Variants in HACD3 observed in about 807,000 individuals in gnomAD.
HACD3 encodes very-long-chain (3R)-3-hydroxyacyl-CoA dehydratase 3.
A neutral mutation model predicts 55.2 loss-of-function variants in HACD3; 30 were observed. That is an observed-to-expected ratio of 0.54 (90% CI 0.41 to 0.74). HACD3 has a LOEUF of 0.74. Among genes scored for constraint, HACD3 ranks in the 30% least tolerant of loss-of-function variants. The probability of loss-of-function intolerance (pLI) is 0.00; values close to 1 mark genes in which losing one functional copy is unlikely to be tolerated. For synonymous variants in HACD3, 141 were observed against 151.7 expected, an observed-to-expected ratio of 0.93 and a Z score of 0.52; for missense variants, 363 against 440.1, an observed-to-expected ratio of 0.82 and a Z score of 1.57.
intron 1 of HACD3, among the ~76,000 whole-genome samples, chr15:65,532,592 A>C (rs2071912785): frequency 6.6e-6 from 1 of 150,944 alleles, no homozygotes; most frequent in African/African-American, 2.4e-5. Flanking sequence ...AGATGGTGCC[A>C]TTGCACTCCA....
At chr15:65,545,489 C>T (rs534811620) in intron 1 of HACD3, among the ~76,000 whole-genome samples, 2 of 149,850 alleles carry the variant, frequency 1.3e-5, no homozygotes, top group Non-Finnish European at 3.0e-5. Flanking sequence ...GAGTCTCGCT[C>T]TGTCGCCCAG....
chr15:65,565,515 C>G (rs1220013948), intron 7 of HACD3: 1 of 152,322 alleles, frequency 6.6e-6, no homozygotes, highest in African/African-American at 2.4e-5. Context: ...CACCCACAGG[C>G]TCACCACCAC....
chr15:65,537,773 A>G (rs1049196665), intron 1 of HACD3, among the ~76,000 whole-genome samples: 1 of 103,496 alleles, frequency 9.7e-6, no homozygotes, highest in African/African-American at 3.8e-5. Flanking sequence ...AGCCTGGGCA[A>G]TAGAGAGAGA....
chr15:65,560,801 C>CAA (rs11304800), intron 5 of HACD3, among the ~76,000 whole-genome samples: 28 of 108,782 alleles, frequency 2.6e-4, no homozygotes, highest in African/African-American at 3.5e-4. Context: ...GACCCTATCT[C>CAA]AAAAAAAAAA....
chr15:65,562,946 A>C (rs184124173), intron 6 of HACD3, 62 bp downstream of exon 6: 1 of 1,588,852 alleles, frequency 6.3e-7, no homozygotes, highest in East Asian at 2.3e-5. Flanking sequence ...GTATTCACCA[A>C]AGGGAGCACT....
chr15:65,568,151 A>C (rs1243483816), intron 7 of HACD3, among the ~76,000 whole-genome samples: 1 of 151,394 alleles, frequency 6.6e-6, no homozygotes, highest in Non-Finnish European at 1.5e-5. Flanking sequence ...CGAACTCCTG[A>C]CCCCAGGTGA....
chr15:65,556,985 G>A (rs191530799), intron 4 of HACD3, 82 bp downstream of exon 4: 26 of 1,311,486 alleles, frequency 2.0e-5, no homozygotes, highest in Middle Eastern at 2.0e-4. Context: ...GATACCTCTC[G>A]GTCTGAAAGA....
At position 65,556,798 on chromosome 15, in the gene HACD3, G is replaced by A. The variant is rs2072195951; in HGVS notation, c.264G>A (p.Gln88=). Residue 88 remains glutamine (Q), a synonymous_variant, in exon 4 of 11, where the codon CAG becomes CAA. Transcript: ENST00000261875. ...VNITVQKKVS[Q]WWERLTKQEK... Reference sequence around the variant, plus strand: ...TTACAGTACAGAAGAAAGTGAGTCAGTGGTGGGAGAGACTCACAAAGCAGG... The same window carrying A: ...TTACAGTACAGAAGAAAGTGAGTCAATGGTGGGAGAGACTCACAAAGCAGG... The A allele has an allele frequency of 6.2e-7, 1 of 1,612,272 alleles. No homozygotes were observed. The highest frequency in any genetic ancestry group is 8.5e-7 in the Non-Finnish European group (1 of 1,179,112).
At chr15:65,536,357 C>T (rs1386846444) in intron 1 of HACD3, among the ~76,000 whole-genome samples, 1 of 152,120 alleles carries the variant, frequency 6.6e-6, no homozygotes, top group East Asian at 1.9e-4. Context: ...TGAACTTAAT[C>T]GATAAATGTA....
rs1212300528 is a variant in HACD3 at position 65,556,772 on chromosome 15, A to G, written c.238A>G (p.Ile80Val). 6.2e-7 allele frequency: 1 copy of G among 1,611,340 alleles called. No individual in the cohort carries two copies. The highest frequency in any genetic ancestry group is 2.2e-5 in the East Asian group (1 of 44,848). The change falls in exon 4 of 11, where the codon ATT becomes GTT. Residue 80 changes from isoleucine to valine, a missense_variant. By Grantham distance (29) the Ile-to-Val change is conservative (BLOSUM62 3). Transcript: ENST00000261875. ...VYKLTQRQVN[I>V]TVQKKVSQWW... ...CAAACTGACCCAGAGGCAGGTAAAC[A>G]TTACAGTACAGAAGAAAGTGAGTCA... is the stretch of plus-strand genomic sequence containing the variant.
chr15:65,570,327 G>T, intron 8 of HACD3, 124 bp downstream of exon 8: 1 of 697,092 alleles, frequency 1.4e-6, no homozygotes. Context: ...CATATGTGGA[G>T]AATTCTGGTT....
Position 65,558,750 on chromosome 15 carries a change from A to G in HACD3, c.421+19A>G, listed in dbSNP as rs2072218127. On this transcript the variant is annotated intron_variant, in intron 5 of 10. Transcript: ENST00000261875. ...CCTGAAAGTAAGTTGTGCTGCTGCCATGGTAGTTACCAGTTAACTTGTGCT... is the reference window on the plus strand; with the variant it reads ...CCTGAAAGTAAGTTGTGCTGCTGCCGTGGTAGTTACCAGTTAACTTGTGCT... 2 of 1,593,280 alleles carry G rather than the reference A, an allele frequency of 1.3e-6. No individual in the cohort carries two copies. The highest frequency in any genetic ancestry group is 8.6e-7 in the Non-Finnish European group (1 of 1,168,890).
At chr15:65,564,077 G>A in intron 6 of HACD3, 138 bp from the exon 7 acceptor site, 1 of 1,104,016 alleles carries the variant, frequency 9.1e-7, no homozygotes. Flanking sequence ...GCTTAGTTAA[G>A]TAAGAAACTT....
chr15:65,560,801 CAAA>C (rs11304800), intron 5 of HACD3, among the ~76,000 whole-genome samples: 34 of 108,756 alleles, frequency 3.1e-4, no homozygotes, highest in Admixed American at 2.9e-4. Flanking sequence ...GACCCTATCT[CAAA>C]AAAAAAAAAA....
chr15:65,554,177 G>C (rs1485686510), intron 2 of HACD3, among the ~76,000 whole-genome samples: 1 of 152,074 alleles, frequency 6.6e-6, no homozygotes, highest in African/African-American at 2.4e-5. Flanking sequence ...ACCAATTTTT[G>C]TCTGCTCTAG....
chr15:65,549,888 C>G (rs1218550966), intron 1 of HACD3, among the ~76,000 whole-genome samples: 1 of 152,188 alleles, frequency 6.6e-6, no homozygotes, highest in African/African-American at 2.4e-5. Flanking sequence ...CTTGAGAACC[C>G]TCAAGCCATG....
chr15:65,543,334 C>CT lies in HACD3; in HGVS notation c.88-8333dup, dbSNP rs201496666. On this transcript the variant is annotated intron_variant, in intron 1 of 10. Transcript: ENST00000261875. ...CTTACAAGGGTTATTTCTCCCTTTT[C>CT]TTTTTTTTTAAATTGAATACAAATT... Among the ~76,000 whole-genome samples the CT allele has an allele frequency of 7.0e-3, 1,060 of 150,852 alleles. 10 individuals are homozygous for CT. Among genetic ancestry groups the CT allele is most frequent in the African/African-American group, 0.024 (1,006 of 41,234 alleles).
intron 7 of HACD3, chr15:65,565,238 C>T (rs563503353): frequency 6.5e-6 from 1 of 154,818 alleles, no homozygotes; most frequent in Admixed American, 6.5e-5. Context: ...TGCAGCTTTT[C>T]CAGGTGCATG....
rs773061099 is a variant in HACD3 at position 65,558,766 on chromosome 15, A to C, written c.421+35A>C. On this transcript the variant is annotated intron_variant, in intron 5 of 10. Coordinates refer to ENST00000261875, the MANE Select transcript of HACD3 (RefSeq NM_016395.4). ...GCTGCTGCCATGGTAGTTACCAGTT[A>C]ACTTGTGCTAGTGTTGGAAGTATGG... The C allele has an allele frequency of 7.6e-6, 12 of 1,574,346 alleles. No homozygotes were observed. In the African/African-American group the frequency reaches 1.6e-4, roughly 21 times the overall value.
Sources: gnomAD v4.1 joint callset for allele counts (sites outside exome capture counted in the v4.1 genomes callset) on GRCh38, gnomAD v4.1.1 for gene constraint, MANE v1.5 for transcripts, NCBI Gene and HGNC (gene_info 2026-07-23, HGNC 2026-07-21) for gene names.